Variants in HDX observed in about 807,000 individuals in gnomAD.
HDX encodes chromosome X open reading frame 43.
HDX carries 19 observed loss-of-function variants against 45.2 expected under a neutral mutation model. The ratio of observed to expected loss-of-function variants is 0.42; its 90% CI spans 0.29 to 0.62. HDX has a LOEUF of 0.62. HDX is among the 20% of genes least tolerant of loss of function. The probability of loss-of-function intolerance (pLI) is 0.20; values close to 1 mark genes in which losing one functional copy is unlikely to be tolerated. For missense variants in HDX, 532 were observed against 493.9 expected, an observed-to-expected ratio of 1.08 and a Z score of -0.73; for synonymous variants, 188 against 172.8, an observed-to-expected ratio of 1.09 and a Z score of -0.69.
At chrX:84,345,855 C>T (rs1184883640) in intron 6 of HDX, among the ~76,000 whole-genome samples, 1 of 111,094 alleles carries the variant, frequency 9.0e-6, no homozygotes, top group Non-Finnish European at 1.9e-5. Context: ...AGTAACAGCT[C>T]AACAAGTTCT....
At chrX:84,334,687 AG>A (rs1450637579) in intron 8 of HDX, among the ~76,000 whole-genome samples, 9 of 108,037 alleles carry the variant, frequency 8.3e-5, no homozygotes, top group African/African-American at 3.0e-4. Context: ...AAAAAAAAAA[AG>A]GTATAAGTAA....
intron 4 of HDX, among the ~76,000 whole-genome samples, chrX:84,458,197 C>T (rs2040156515): frequency 9.0e-6 from 1 of 110,596 alleles, no homozygotes. Context: ...GTTTTTATTT[C>T]CTTCATATTT....
At chrX:84,417,729 GT>G (rs2039148641) in intron 5 of HDX, among the ~76,000 whole-genome samples, 2 of 111,756 alleles carry the variant, frequency 1.8e-5, no homozygotes, top group Non-Finnish European at 3.8e-5. Context: ...TGGCTTCTAT[GT>G]TTTTGGCCTT....
intron 4 of HDX, among the ~76,000 whole-genome samples, chrX:84,449,678 G>C (rs1334407309): frequency 8.9e-6 from 1 of 112,159 alleles, no homozygotes; most frequent in African/African-American, 3.2e-5. Flanking sequence ...CTGACATGTT[G>C]AAGTGAAAGA....
At chrX:84,408,995 G>A (rs141748223) in intron 5 of HDX, among the ~76,000 whole-genome samples, 1,615 of 110,804 alleles carry the variant, frequency 0.015, 26 homozygotes, top group African/African-American at 0.051. Flanking sequence ...TGTATATCCA[G>A]AATCTACAAT....
intron 5 of HDX, among the ~76,000 whole-genome samples, chrX:84,413,332 C>A (rs1373893466): frequency 9.0e-6 from 1 of 111,656 alleles, no homozygotes; most frequent in African/African-American, 3.3e-5. Context: ...TTGCTTTTAT[C>A]TTCTTTAATT....
chrX:84,491,993 C>A (rs1272564192), intron 1 of HDX, among the ~76,000 whole-genome samples: 1 of 111,350 alleles, frequency 9.0e-6, no homozygotes, highest in Non-Finnish European at 1.9e-5. Context: ...ATTTCTGAAG[C>A]TCTCTCCATA....
chrX:84,379,983 CAA>C (rs2038149566), intron 5 of HDX, among the ~76,000 whole-genome samples: 2 of 109,927 alleles, frequency 1.8e-5, no homozygotes, highest in Non-Finnish European at 3.8e-5. Context: ...GCGACACTAA[CAA>C]AAACAAAAAG....
chrX:84,405,431 C>T (rs1295462434), intron 5 of HDX, among the ~76,000 whole-genome samples: 1 of 109,707 alleles, frequency 9.1e-6, no homozygotes, highest in African/African-American at 3.3e-5. Context: ...AAATGCTTCT[C>T]AAAAGTAGCA....
At chrX:84,416,999 A>G (rs1216247717) in intron 5 of HDX, among the ~76,000 whole-genome samples, 3 of 108,183 alleles carry the variant, frequency 2.8e-5, no homozygotes, top group African/African-American at 1.0e-4. Flanking sequence ...TACTAAAAAT[A>G]CAAAAATTAG....
At position 84,322,017 on chromosome X, in the gene HDX, G is replaced by A. The variant is rs760944015; in HGVS notation, c.1948-3C>T. 13 of 1,134,045 alleles carry A rather than the reference G, an allele frequency of 1.1e-5. No homozygotes were observed. The African/African-American group carries it at 2.4e-4, about 21-fold the overall frequency. The allele number at this position is 1,134,045 out of a possible 1,213,427, so 93.5% of individuals were successfully genotyped here. ...GGAGGTAAATCTGACAGCAGTGCCT[G>A]AATAAAAAAAATAATATTTTTGGAT... On this transcript the variant is annotated splice_polypyrimidine_tract_variant and splice_region_variant and intron_variant, in intron 10 of 10. Coordinates refer to ENST00000373177, the MANE Select transcript of HDX (RefSeq NM_001177479.2).
At chrX:84,338,659 A>G (rs1368638367) in intron 7 of HDX, among the ~76,000 whole-genome samples, 1 of 110,183 alleles carries the variant, frequency 9.1e-6, no homozygotes, top group African/African-American at 3.3e-5. Flanking sequence ...ATCTGTTTAT[A>G]TTTGACTGTT....
chrX:84,443,524 T>C (rs2039806161), intron 4 of HDX, among the ~76,000 whole-genome samples: 1 of 111,794 alleles, frequency 8.9e-6, no homozygotes, highest in Non-Finnish European at 1.9e-5. Flanking sequence ...CTCATTACAA[T>C]GATGTTGACA....
chrX:84,497,331 C>G (rs1465608384), intron 1 of HDX, among the ~76,000 whole-genome samples: 1 of 111,721 alleles, frequency 9.0e-6, no homozygotes, highest in South Asian at 3.7e-4. Flanking sequence ...TTAAATGGCA[C>G]AGCTATTCCA....
At chrX:84,493,065 C>T (rs1232681021) in intron 1 of HDX, among the ~76,000 whole-genome samples, 1 of 111,013 alleles carries the variant, frequency 9.0e-6, no homozygotes, top group African/African-American at 3.3e-5. Flanking sequence ...GCACTGGCCA[C>T]CATGCCCGGC....
chrX:84,377,802 A>G (rs2038092861), intron 5 of HDX, among the ~76,000 whole-genome samples: 1 of 111,614 alleles, frequency 9.0e-6, no homozygotes, highest in Non-Finnish European at 1.9e-5. Context: ...GGCCTTAAAG[A>G]CAGGGTAGAT....
At chrX:84,340,350 C>A (rs764447804) in intron 7 of HDX, among the ~76,000 whole-genome samples, 4 of 110,750 alleles carry the variant, frequency 3.6e-5, no homozygotes, top group Non-Finnish European at 7.6e-5. Context: ...TAATATGTAA[C>A]CCTAACTTAA....
chrX:84,393,559 ATTC>A (rs1381829020), intron 5 of HDX, among the ~76,000 whole-genome samples: 1 of 111,506 alleles, frequency 9.0e-6, no homozygotes, highest in African/African-American at 3.2e-5. Flanking sequence ...AAGAGAATTC[ATTC>A]TTCTTCAATT....
At chrX:84,422,100 T>C (rs147622392) in intron 5 of HDX, among the ~76,000 whole-genome samples, 4,371 of 110,896 alleles carry the variant, frequency 0.039, 90 homozygotes, top group Non-Finnish European at 0.064. Flanking sequence ...ACTCTTTTTC[T>C]CAGCACATGG....
Sources: gnomAD v4.1 joint callset for allele counts (sites outside exome capture counted in the v4.1 genomes callset) on GRCh38, gnomAD v4.1.1 for gene constraint, MANE v1.5 for transcripts, NCBI Gene and HGNC (gene_info 2026-07-23, HGNC 2026-07-21) for gene names.